MAGI1: variants seen among roughly 807,000 people sequenced by gnomAD.
The protein encoded by MAGI1 is membrane associated guanylate kinase, WW and PDZ domain containing 1.
In MAGI1, 58 loss-of-function variants were observed where a neutral mutation model predicts 139.9. The ratio of observed to expected loss-of-function variants is 0.41; its 90% CI spans 0.34 to 0.52. MAGI1 has a LOEUF of 0.52. Ranked by LOEUF, MAGI1 falls within the 20% of genes least tolerant of loss-of-function variation. The pLI, the probability that MAGI1 is intolerant of heterozygous loss-of-function variation, is 0.12. For missense variants in MAGI1, 1,874 were observed against 1,901.6 expected (o/e 0.99, Z 0.27); for synonymous variants, 812 against 737.9 (o/e 1.10, Z -1.63).
At chr3:65,919,667 C>A (rs1364982791) in intron 1 of MAGI1, among the ~76,000 whole-genome samples, 1 of 121,940 alleles carries the variant, frequency 8.2e-6, no homozygotes, top group Non-Finnish European at 1.6e-5. Context: ...TTCATTCTCT[C>A]ATTCTCTCTC....
At chr3:65,512,536 A>C (rs1332104981) in intron 2 of MAGI1, among the ~76,000 whole-genome samples, 1 of 151,672 alleles carries the variant, frequency 6.6e-6, no homozygotes, top group Admixed American at 6.5e-5. Context: ...ACCTCTACGC[A>C]AATAAAATAG....
chr3:65,667,021 C>G (rs2086575958), intron 1 of MAGI1, among the ~76,000 whole-genome samples: 1 of 152,208 alleles, frequency 6.6e-6, no homozygotes. Flanking sequence ...AAACAATGGT[C>G]TCCTGCAAGA....
intron 1 of MAGI1, among the ~76,000 whole-genome samples, chr3:65,739,957 T>C (rs927381106): frequency 6.6e-6 from 1 of 150,844 alleles, no homozygotes; most frequent in Non-Finnish European, 1.5e-5. Flanking sequence ...ATGGCACCAA[T>C]AGACTTGGGC....
chr3:65,606,311 A>G (rs1052970265), intron 2 of MAGI1, among the ~76,000 whole-genome samples: 1 of 151,898 alleles, frequency 6.6e-6, no homozygotes, highest in Admixed American at 6.6e-5. Flanking sequence ...AGGTTATTTT[A>G]CTTTTACTTT....
intron 5 of MAGI1, among the ~76,000 whole-genome samples, chr3:65,463,825 G>T (rs1255026353): frequency 1.3e-5 from 2 of 152,014 alleles, no homozygotes; most frequent in African/African-American, 4.8e-5. Context: ...GTCTATTCAG[G>T]GATGCAACTT....
chr3:65,762,328 G>A (rs9876584), intron 1 of MAGI1, among the ~76,000 whole-genome samples: 2,049 of 152,186 alleles, frequency 0.013, 52 homozygotes, highest in African/African-American at 0.047. Context: ...GGTTAGTGAT[G>A]ATAAAGGAGA....
chr3:65,825,095 G>C (rs2042152573), intron 1 of MAGI1, among the ~76,000 whole-genome samples: 1 of 152,198 alleles, frequency 6.6e-6, no homozygotes, highest in East Asian at 1.9e-4. Context: ...AGCGCTCTTA[G>C]AAAGCATATT....
intron 2 of MAGI1, among the ~76,000 whole-genome samples, chr3:65,563,927 C>T (rs1276813098): frequency 6.6e-6 from 1 of 152,162 alleles, no homozygotes; most frequent in African/African-American, 2.4e-5. Context: ...CAGTCCTTCT[C>T]ATTTACTGAA....
chr3:65,577,877 GA>G (rs1296521157), intron 2 of MAGI1, among the ~76,000 whole-genome samples: 7 of 152,312 alleles, frequency 4.6e-5, no homozygotes, highest in Non-Finnish European at 4.4e-5. Context: ...AAGGCAGGCA[GA>G]ATCAACCACA....
chr3:66,023,240 T>TG (rs1304265759), intron 1 of MAGI1, among the ~76,000 whole-genome samples: 5 of 152,236 alleles, frequency 3.3e-5, no homozygotes, highest in African/African-American at 1.2e-4. Context: ...GATATGGAAA[T>TG]GGAGGGGGAA....
chr3:65,462,564 C>G lies in MAGI1; in HGVS notation c.959+7719G>C, dbSNP rs962781971. 2.1e-4 allele frequency among the ~76,000 whole-genome samples: 32 copies of G among 152,168 alleles called. 1 individual carries two copies. The highest frequency in any genetic ancestry group is 1.5e-5 in the Non-Finnish European group (1 of 68,014). On this transcript the variant is annotated intron_variant, in intron 5 of 22. Coordinates refer to ENST00000402939, the MANE Select transcript of MAGI1 (RefSeq NM_001033057.2). ...AAGTCAGATAGCATGATGCCTCCAG[C>G]TTTGTTCTTTTTGCTTAGGATTGTC...
intron 6 of MAGI1, 62 bp from the exon 7 acceptor site, chr3:65,448,119 C>A (rs1948786799): frequency 6.8e-7 from 1 of 1,476,574 alleles, no homozygotes; most frequent in African/African-American, 1.4e-5. Flanking sequence ...CAGACACCAG[C>A]ACCAAGAAAG....
rs181012033 is a variant in MAGI1, at chr3:65,429,608, G to A, written c.2079C>T (p.Asn693=). Residue 693 remains asparagine, a synonymous_variant, in exon 12 of 23, where the codon AAC becomes AAT. Transcript: ENST00000402939. ...CTTGGTTGTGAGTTAGGGCCTGCAC[G>A]TTCTTCTTATTAACTTCCACTATGA... ...GDLIVEVNKK[N]VQALTHNQVV... 124 of 1,613,928 alleles carry A rather than the reference G, an allele frequency of 7.7e-5. 1 individual carries two copies. In the East Asian group the frequency reaches 2.3e-3, roughly 30 times the overall value.
chr3:65,375,769 T>TA lies in MAGI1; in HGVS notation c.3171dup (p.Thr1058TyrfsTer9). 1 of 1,613,248 alleles carries TA rather than the reference T, an allele frequency of 6.2e-7. No homozygotes were observed. The highest frequency in any genetic ancestry group is 8.5e-7 in the Non-Finnish European group (1 of 1,179,428). On this transcript the variant is annotated frameshift_variant, in exon 18 of 23. Coordinates refer to ENST00000402939, the MANE Select transcript of MAGI1 (RefSeq NM_001033057.2). LOFTEE classifies it high-confidence loss of function. ...CCATCCCCAGGAATGATGCGGAGGG[T>TA]AACTGTGTTTCCCGCTTCCTTGATT...
At chr3:65,362,518 CTG>C (rs1211894514) in intron 21 of MAGI1, among the ~76,000 whole-genome samples, 2 of 152,172 alleles carry the variant, frequency 1.3e-5, no homozygotes, top group African/African-American at 4.8e-5. Context: ...GCCCTGGACA[CTG>C]TATTTTTACT....
chr3:65,393,495 A>G (rs1944104888), intron 13 of MAGI1, among the ~76,000 whole-genome samples: 1 of 152,202 alleles, frequency 6.6e-6, no homozygotes, highest in Non-Finnish European at 1.5e-5. Flanking sequence ...TCATTTCAAA[A>G]TGAACCTTGG....
intron 1 of MAGI1, among the ~76,000 whole-genome samples, chr3:66,019,495 G>C (rs928794866): frequency 1.3e-5 from 2 of 152,188 alleles, no homozygotes. Flanking sequence ...TCTGCAATTA[G>C]AACCAGATTA....
At chr3:65,978,283 C>G (rs745313243) in intron 1 of MAGI1, among the ~76,000 whole-genome samples, 1 of 152,190 alleles carries the variant, frequency 6.6e-6, no homozygotes, top group East Asian at 1.9e-4. Flanking sequence ...GTCCAAGACA[C>G]ACAACCACTA....
chr3:65,613,716 A>T (rs2083232531), intron 2 of MAGI1, among the ~76,000 whole-genome samples: 3 of 152,336 alleles, frequency 2.0e-5, no homozygotes, highest in African/African-American at 7.2e-5. Flanking sequence ...TGCTGTTTCA[A>T]GCATGCCTAT....
Sources: gnomAD v4.1 joint callset for allele counts (sites outside exome capture counted in the v4.1 genomes callset) on GRCh38, gnomAD v4.1.1 for gene constraint, MANE v1.5 for transcripts, NCBI Gene and HGNC (gene_info 2026-07-23, HGNC 2026-07-21) for gene names.